PVT1: variants seen among roughly 807,000 people sequenced by gnomAD.
The protein encoded by PVT1 is Pvt1 oncogene.
chr8:128,041,293 T>G (rs1272432235), intron 4 of PVT1, among the ~76,000 whole-genome samples: 2 of 127,266 alleles, frequency 1.6e-5, no homozygotes, highest in East Asian at 2.7e-4. Flanking sequence ...TGCTTGTATG[T>G]TTGTGTTGTG....
At position 128,097,220 on chromosome 8, in the gene PVT1, G is replaced by A. The variant is rs868330143; in HGVS notation, n.1251+566G>A. 1.3e-5 allele frequency among the ~76,000 whole-genome samples: 2 copies of A among 152,110 alleles called. 1 individual carries two copies. Among genetic ancestry groups the A allele is most frequent in the Admixed American group, 1.3e-4 (2 of 15,282 alleles). On this transcript the variant is annotated intron_variant and non_coding_transcript_variant, in intron 6 of 10. Transcript: ENST00000651587. ...TACTAAAAATACAAAAATTATCCAG[G>A]CATGGTAGCGCACATCTGTAATCCC...
chr8:127,825,903 T>A (rs1305090092), intron 2 of PVT1, among the ~76,000 whole-genome samples: 2 of 151,744 alleles, frequency 1.3e-5, no homozygotes, highest in African/African-American at 4.9e-5. Context: ...CAAGCTGGAG[T>A]GCAGTCGCAC....
intron 3 of PVT1, chr8:127,939,618 T>G (rs540133214): frequency 2.6e-5 from 4 of 152,362 alleles, no homozygotes; most frequent in Admixed American, 2.0e-4. Flanking sequence ...TTTGAGCTGC[T>G]TGGCACGTGG....
intron 4 of PVT1, among the ~76,000 whole-genome samples, chr8:128,041,323 G>A (rs1258500377): frequency 6.7e-6 from 1 of 150,296 alleles, no homozygotes; most frequent in East Asian, 2.0e-4. Context: ...GTGCATGTGT[G>A]TGCATCTGTG....
intron 4 of PVT1, among the ~76,000 whole-genome samples, chr8:128,026,367 G>A (rs1163616062): frequency 6.6e-6 from 1 of 152,012 alleles, no homozygotes; most frequent in Non-Finnish European, 1.5e-5. Flanking sequence ...AGAGTAGGGA[G>A]AGAGAAATTC....
chr8:127,960,985 A>G (rs1204404428), intron 3 of PVT1, among the ~76,000 whole-genome samples: 1 of 150,080 alleles, frequency 6.7e-6, no homozygotes, highest in African/African-American at 2.5e-5. Flanking sequence ...AATTTAGATG[A>G]GAAATCAGAT....
intron 4 of PVT1, among the ~76,000 whole-genome samples, chr8:128,053,418 T>A (rs556345153): frequency 1.2e-3 from 175 of 149,438 alleles, no homozygotes; most frequent in African/African-American, 3.7e-3. Flanking sequence ...ATATTGTATA[T>A]ATAATACCTA....
chr8:127,804,538 ATTT>A (rs35404021), intron 2 of PVT1, among the ~76,000 whole-genome samples: 1 of 112,696 alleles, frequency 8.9e-6, no homozygotes, highest in Non-Finnish European at 1.8e-5. Flanking sequence ...TTGCATCCTG[ATTT>A]TTTTTTTTTT....
chr8:127,961,668 A>G (rs1816644316), intron 3 of PVT1, among the ~76,000 whole-genome samples: 1 of 152,218 alleles, frequency 6.6e-6, no homozygotes, highest in Non-Finnish European at 1.5e-5. Context: ...AGCACCTGTT[A>G]CCCATACACA....
At chr8:128,006,109 T>G (rs981260888) in intron 4 of PVT1, among the ~76,000 whole-genome samples, 32 of 88,586 alleles carry the variant, frequency 3.6e-4, no homozygotes, top group African/African-American at 1.8e-3. Flanking sequence ...TCTCAAATAA[T>G]AATAATAATA....
chr8:127,888,942 T>C (rs1157950566), intron 2 of PVT1, among the ~76,000 whole-genome samples: 3 of 152,244 alleles, frequency 2.0e-5, no homozygotes, highest in African/African-American at 7.2e-5. Context: ...TAATCGTTGC[T>C]TTTGATGGAA....
chr8:127,924,013 G>T (rs1021753092), intron 3 of PVT1, among the ~76,000 whole-genome samples: 1 of 152,336 alleles, frequency 6.6e-6, no homozygotes, highest in African/African-American at 2.4e-5. Flanking sequence ...CTGGCTGTCT[G>T]CTCCATGCCC....
intron 3 of PVT1, among the ~76,000 whole-genome samples, chr8:127,984,837 T>TTTC (rs1816926470): frequency 2.5e-5 from 2 of 81,282 alleles, no homozygotes; most frequent in Non-Finnish European, 2.5e-5. Flanking sequence ...CTTTCTTTTC[T>TTTC]TTTCTTTCTT....
At chr8:127,813,441 C>T (rs553644727) in intron 2 of PVT1, among the ~76,000 whole-genome samples, 54 of 151,928 alleles carry the variant, frequency 3.6e-4, no homozygotes, top group Admixed American at 1.1e-3. Flanking sequence ...ATCATCTGCT[C>T]TCCTGGTTGT....
At chr8:127,903,155 G>A (rs1815778992) in intron 3 of PVT1, among the ~76,000 whole-genome samples, 1 of 152,168 alleles carries the variant, frequency 6.6e-6, no homozygotes, top group African/African-American at 2.4e-5. Context: ...GTATCTCATT[G>A]TGGTTTTGAT....
At chr8:127,890,454 T>G (rs1399248147) in intron 2 of PVT1, 1 of 152,310 alleles carries the variant, frequency 6.6e-6, no homozygotes, top group Non-Finnish European at 1.5e-5. Context: ...CAACTTTGTG[T>G]GTTACCAGTT....
intron 3 of PVT1, among the ~76,000 whole-genome samples, chr8:127,900,374 A>AT (rs564858837): frequency 6.6e-6 from 1 of 152,236 alleles, no homozygotes; most frequent in Admixed American, 6.5e-5. Context: ...TTAAAAAAAA[A>AT]AATAGATAAA....
intron 3 of PVT1, among the ~76,000 whole-genome samples, chr8:127,984,516 C>A (rs544266779): frequency 2.6e-4 from 40 of 152,324 alleles, no homozygotes; most frequent in African/African-American, 9.4e-4. Context: ...TTATCAAGCA[C>A]CCACTCTGAG....
At chr8:127,837,196 T>C (rs1005686298) in intron 2 of PVT1, among the ~76,000 whole-genome samples, 5 of 152,168 alleles carry the variant, frequency 3.3e-5, no homozygotes, top group African/African-American at 9.7e-5. Flanking sequence ...ACTGTAGAGA[T>C]AGACGCTTGG....
Sources: allele counts gnomAD v4.1 joint callset (sites outside exome capture counted in the v4.1 genomes callset), GRCh38; gene constraint gnomAD v4.1.1; transcripts MANE v1.5; gene names NCBI Gene and HGNC (gene_info 2026-07-23, HGNC 2026-07-21).